CACNA1C: variants seen among roughly 807,000 people sequenced by gnomAD.
CACNA1C encodes voltage-dependent L-type calcium channel subunit alpha-1C.
Under a neutral mutation model 229.0 loss-of-function variants are expected in CACNA1C, and 30 were observed. That is an observed-to-expected ratio of 0.13 (90% CI 0.10 to 0.18). The LOEUF is 0.18. CACNA1C is among the 10% of genes least tolerant of loss of function. CACNA1C has a pLI of 1.00. For missense variants in CACNA1C, 1,658 were observed against 2,845.0 expected (o/e 0.58, Z 9.49); for synonymous variants, 1,114 against 1,132.5 (o/e 0.98, Z 0.33).
chr12:2,189,884 C>G (rs2097158864), intron 3 of CACNA1C, among the ~76,000 whole-genome samples: 1 of 152,100 alleles, frequency 6.6e-6, no homozygotes, highest in African/African-American at 2.4e-5. Context: ...ATCACTGACG[C>G]AAGAGAACAA....
chr12:2,500,925 G>A (rs2099758121), intron 7 of CACNA1C, among the ~76,000 whole-genome samples: 2 of 152,046 alleles, frequency 1.3e-5, no homozygotes, highest in African/African-American at 4.8e-5. Context: ...AAGTAAAGCA[G>A]GCCGGGGGCA....
intron 8 of CACNA1C, among the ~76,000 whole-genome samples, chr12:2,510,957 A>C (rs116352457): frequency 1.3e-4 from 20 of 152,314 alleles, no homozygotes; most frequent in African/African-American, 4.6e-4. Flanking sequence ...AGGGGATGGC[A>C]TCTCTCTATG....
chr12:2,264,251 G>A (rs1236257718), intron 3 of CACNA1C, among the ~76,000 whole-genome samples: 1 of 152,302 alleles, frequency 6.6e-6, no homozygotes, highest in Admixed American at 6.5e-5. Flanking sequence ...GGCTCCAGGG[G>A]GCTCTCAAAG....
At chr12:2,036,786 G>A (rs1321544765) in intron 1 of CACNA1C, among the ~76,000 whole-genome samples, 2 of 152,134 alleles carry the variant, frequency 1.3e-5, no homozygotes, top group Non-Finnish European at 2.9e-5. Context: ...TCTTTAAAAA[G>A]CAAATGCCCT....
intron 1 of CACNA1C, 58 bp from the exon 2 acceptor site, chr12:2,115,166 C>A: frequency 1.5e-6 from 2 of 1,303,678 alleles, no homozygotes; most frequent in South Asian, 1.5e-5. Context: ...CAGAGAGTGT[C>A]GGAAGTGCCC....
At position 2,653,550 on chromosome 12, in the gene CACNA1C, C is replaced by T. The variant is rs949712349; in HGVS notation, c.4075-285C>T. Among the ~76,000 whole-genome samples, 7 of 152,144 alleles carry T rather than the reference C, an allele frequency of 4.6e-5. No individual in the cohort carries two copies. Among genetic ancestry groups the T allele is most frequent in the Admixed American group, 2.0e-4 (3 of 15,298 alleles). On this transcript the variant is annotated intron_variant, in intron 32 of 46. Coordinates refer to ENST00000399655, the MANE Select transcript of CACNA1C (RefSeq NM_000719.7). The surrounding 1 kb of genome is among the most constrained non-coding windows in gnomAD (Gnocchi z 4.7). ...TACAGACACACCGCACATGTGTAGT[C>T]GGAGGAGGTTTTGCTCGTTCTTGAT... is the stretch of plus-strand genomic sequence containing the variant.
intron 5 of CACNA1C, among the ~76,000 whole-genome samples, chr12:2,465,615 G>C (rs1458831711): frequency 6.6e-6 from 1 of 152,122 alleles, no homozygotes; most frequent in African/African-American, 2.4e-5. Flanking sequence ...GACTGAGCTG[G>C]GTCTTGGATG....
At chr12:2,386,812 C>T (rs1333344992) in intron 3 of CACNA1C, among the ~76,000 whole-genome samples, 1 of 152,212 alleles carries the variant, frequency 6.6e-6, no homozygotes, top group Non-Finnish European at 1.5e-5. Context: ...ATAGTAGATG[C>T]TCAGTCCGTG....
At chr12:2,615,824 G>T (rs765748131) in intron 29 of CACNA1C, among the ~76,000 whole-genome samples, 7 of 152,338 alleles carry the variant, frequency 4.6e-5, no homozygotes, top group Middle Eastern at 3.4e-3. Context: ...AGGGTACTGG[G>T]GGGGAGGAGC....
chr12:2,671,192 T>C (rs1488971057), intron 38 of CACNA1C, among the ~76,000 whole-genome samples: 1 of 152,020 alleles, frequency 6.6e-6, no homozygotes, highest in Non-Finnish European at 1.5e-5. Flanking sequence ...TTTTTGTATT[T>C]TTAGTAGAGA....
chr12:2,159,131 A>AGGG (rs1160432091), intron 3 of CACNA1C, among the ~76,000 whole-genome samples: 2 of 152,126 alleles, frequency 1.3e-5, no homozygotes, highest in Non-Finnish European at 1.5e-5. Flanking sequence ...CAGGTTGGGG[A>AGGG]GGGGGGTAAG....
At chr12:2,109,529 G>A (rs554117211) in intron 1 of CACNA1C, among the ~76,000 whole-genome samples, 10 of 152,242 alleles carry the variant, frequency 6.6e-5, no homozygotes, top group East Asian at 1.9e-4. Flanking sequence ...CGGGCCCAGA[G>A]GGGAGTGAGG....
intron 3 of CACNA1C, among the ~76,000 whole-genome samples, chr12:2,402,653 T>C (rs2098692635): frequency 6.6e-6 from 1 of 152,246 alleles, no homozygotes; most frequent in Admixed American, 6.5e-5. Context: ...AAGTGCACAC[T>C]GATGTTGTTG....
intron 39 of CACNA1C, among the ~76,000 whole-genome samples, chr12:2,675,351 G>A (rs911184531): frequency 6.6e-6 from 1 of 152,090 alleles, no homozygotes; most frequent in African/African-American, 2.4e-5. Flanking sequence ...CAACACATAC[G>A]GCTGGGTTCA....
chr12:2,235,149 T>C (rs2066846209), intron 3 of CACNA1C, among the ~76,000 whole-genome samples: 1 of 152,226 alleles, frequency 6.6e-6, no homozygotes, highest in South Asian at 2.1e-4. Context: ...CCCAGCCCCT[T>C]CGGCCTGCTC....
intron 3 of CACNA1C, among the ~76,000 whole-genome samples, chr12:2,270,945 G>C (rs1269270416): frequency 6.6e-6 from 1 of 152,122 alleles, no homozygotes; most frequent in Non-Finnish European, 1.5e-5. Context: ...GGGAGATGAA[G>C]GGTGTCTAGA....
chr12:2,080,434 T>C (rs1198254927), intron 1 of CACNA1C, among the ~76,000 whole-genome samples: 1 of 151,822 alleles, frequency 6.6e-6, no homozygotes, highest in Non-Finnish European at 1.5e-5. Flanking sequence ...ACCCCATCTC[T>C]ACTAAAAATA....
At chr12:2,143,059 T>C (rs1011451829) in intron 3 of CACNA1C, among the ~76,000 whole-genome samples, 6 of 150,930 alleles carry the variant, frequency 4.0e-5, no homozygotes, top group South Asian at 4.2e-4. Flanking sequence ...CACTGCTACC[T>C]CCGCCTCCCA....
At chr12:2,513,006 T>C in intron 9 of CACNA1C, 22 bp downstream of exon 9, 1 of 1,572,866 alleles carries the variant, frequency 6.4e-7, no homozygotes, top group Non-Finnish European at 8.6e-7. Flanking sequence ...TCTTCTTCTG[T>C]GTTTGGGCTG....
Sources: gnomAD v4.1 joint callset for allele counts (sites outside exome capture counted in the v4.1 genomes callset) on GRCh38, gnomAD v4.1.1 for gene constraint, Gnocchi (gnomAD v3.1) non-coding constraint, MANE v1.5 for transcripts, NCBI Gene and HGNC (gene_info 2026-07-23, HGNC 2026-07-21) for gene names.